EVC2: variants seen among roughly 807,000 people sequenced by gnomAD.
EVC2 encodes the protein EvC ciliary complex subunit 2.
A neutral mutation model predicts 149.3 loss-of-function variants in EVC2; 148 were observed. That is an observed-to-expected ratio of 0.99 (90% CI 0.87 to 1.14). The LOEUF (loss-of-function observed/expected upper bound fraction) is 1.14, where lower values mean the gene tolerates loss of function less well. EVC2 is among the 50% of genes most tolerant of loss of function. The pLI, the probability that EVC2 is intolerant of heterozygous loss-of-function variation, is 0.00. For synonymous variants in EVC2, 776 were observed against 649.9 expected (o/e 1.19, Z -2.95); for missense variants, 1,854 against 1,627.3 (o/e 1.14, Z -2.40).
At chr4:5,653,138 C>T (rs1341450942) in intron 9 of EVC2, among the ~76,000 whole-genome samples, 1 of 152,176 alleles carries the variant, frequency 6.6e-6, no homozygotes, top group Non-Finnish European at 1.5e-5. Context: ...AGATTTCCCT[C>T]TTCTTATGAA....
chr4:5,581,649 G>T (rs548277454), intron 17 of EVC2, among the ~76,000 whole-genome samples: 9 of 152,324 alleles, frequency 5.9e-5, no homozygotes, highest in African/African-American at 2.2e-4. Flanking sequence ...ACCTGAAACT[G>T]GACCTTATAT....
chr4:5,698,016 G>A lies in EVC2; in HGVS notation c.229-369C>T, dbSNP rs576739514. 5.3e-5 allele frequency among the ~76,000 whole-genome samples: 8 copies of A among 152,190 alleles called. No individual in the cohort carries two copies. The East Asian group carries it at 1.4e-3, about 26-fold the overall frequency. On this transcript the variant is annotated intron_variant, in intron 1 of 21. Coordinates refer to ENST00000344408, the MANE Select transcript of EVC2 (RefSeq NM_147127.5). ...TCCGCCTGCCTCAGCCTCCCAAAGC[G>A]CTGGGATTACACGTGTGAGCCACCG...
chr4:5,596,068 G>T (rs530710906), intron 16 of EVC2, among the ~76,000 whole-genome samples: 1 of 152,268 alleles, frequency 6.6e-6, no homozygotes, highest in Non-Finnish European at 1.5e-5. Flanking sequence ...GATTCATAAA[G>T]CAAGTCCTCA....
At chr4:5,694,622 G>C in intron 2 of EVC2, 121 bp from the exon 3 acceptor site, 1 of 1,069,832 alleles carries the variant, frequency 9.3e-7, no homozygotes, top group Non-Finnish European at 1.4e-6. Context: ...TGTTGGGTAA[G>C]TAAGTTAATG....
chr4:5,627,514 A>G lies in EVC2; in HGVS notation c.1886+1045T>C, dbSNP rs115379847. On this transcript the variant is annotated intron_variant, in intron 12 of 21. Transcript: ENST00000344408. The stretch of plus-strand genomic sequence containing the variant: ...CAGAGCAGGAGAGGGTCAAAGTCCC[A>G]ACAAGGTTACCTAGTAGCGGAACCA... Among the ~76,000 whole-genome samples the G allele has an allele frequency of 9.5e-3, 1,448 of 152,330 alleles. 8 individuals carry two copies. The highest frequency in any genetic ancestry group is 0.015 in the Non-Finnish European group (1,047 of 68,030).
rs2108842723 is a variant in EVC2 at position 5,625,445 on chromosome 4, T to C, written c.2046+304A>G. ...CAGTGCTAAGTAAGCAGCCAATAAA[T>C]GTTAGCACCTACCATCATCATTAGT... On this transcript the variant is annotated intron_variant, in intron 13 of 21. Coordinates refer to ENST00000344408, the MANE Select transcript of EVC2 (RefSeq NM_147127.5). The surrounding 1 kb of genome is among the most constrained non-coding windows in gnomAD (Gnocchi z 4.0). Among the ~76,000 whole-genome samples the C allele has an allele frequency of 6.6e-6, 1 of 152,258 alleles. No individual in the cohort carries two copies. The highest frequency in any genetic ancestry group is 3.4e-3 in the Middle Eastern group (1 of 294).
chr4:5,623,337 TA>T (rs759377477), intron 13 of EVC2, among the ~76,000 whole-genome samples: 1 of 150,672 alleles, frequency 6.6e-6, no homozygotes, highest in African/African-American at 2.5e-5. Context: ...TTTATTTATT[TA>T]TTTTTTTTAT....
rs541078428 is a variant in EVC2 at position 5,543,643 on chromosome 4, A to C, written c.3420-431T>G. Among the ~76,000 whole-genome samples the C allele has an allele frequency of 5.0e-4, 76 of 152,328 alleles. 1 individual carries two copies. Among genetic ancestry groups the C allele is most frequent in the Middle Eastern group, 3.4e-3 (1 of 294 alleles). On this transcript the variant is annotated intron_variant and NMD_transcript_variant, in intron 21 of 22. Transcript: ENST00000475313. ...AAAGGGGCTGATGGGAGTGTGTTCCAGAAGGAGTTCCACACCAAATCCCTC... is the reference window on the plus strand; with the variant it reads ...AAAGGGGCTGATGGGAGTGTGTTCCCGAAGGAGTTCCACACCAAATCCCTC...
At chr4:5,553,298 T>G (rs1288897685) in intron 21 of EVC2, among the ~76,000 whole-genome samples, 4 of 152,276 alleles carry the variant, frequency 2.6e-5, no homozygotes, top group African/African-American at 9.6e-5. Flanking sequence ...CACTCGCTAT[T>G]GTGAGGACAG....
chr4:5,651,330 G>C (rs1485913696), intron 9 of EVC2, among the ~76,000 whole-genome samples: 1 of 152,112 alleles, frequency 6.6e-6, no homozygotes, highest in Non-Finnish European at 1.5e-5. Context: ...TAGATGGGCA[G>C]ATAGGTGGAT....
At chr4:5,656,789 A>T (rs1043997720) in intron 9 of EVC2, among the ~76,000 whole-genome samples, 3 of 152,212 alleles carry the variant, frequency 2.0e-5, no homozygotes, top group Non-Finnish European at 4.4e-5. Context: ...CAGAACAGTG[A>T]CACGGTGAGT....
At chr4:5,611,903 C>T (rs552887511) in intron 16 of EVC2, among the ~76,000 whole-genome samples, 1 of 152,282 alleles carries the variant, frequency 6.6e-6, no homozygotes, top group South Asian at 2.1e-4. Flanking sequence ...TACAGATTAG[C>T]CTTCTTCCCA....
chr4:5,565,185 G>A, intron 21 of EVC2, 73 bp downstream of exon 21: 1 of 1,438,272 alleles, frequency 7.0e-7, no homozygotes, highest in South Asian at 1.1e-5. Flanking sequence ...GTCACCTCCT[G>A]CCTCCCCAGC....
chr4:5,628,743 T>A lies in EVC2; in HGVS notation c.1711-9A>T, dbSNP rs1716315517. 1 of 1,420,282 alleles carries A rather than the reference T, an allele frequency of 7.0e-7. No homozygotes were observed. Among genetic ancestry groups the A allele is most frequent in the Non-Finnish European group, 9.7e-7 (1 of 1,029,816 alleles). 88.0% of individuals were successfully genotyped at this position (1,420,282 alleles called of 1,614,324 possible). On this transcript the variant is annotated splice_polypyrimidine_tract_variant and intron_variant, in intron 11 of 21. Coordinates refer to ENST00000344408, the MANE Select transcript of EVC2 (RefSeq NM_147127.5). Reference sequence around the variant, plus strand: ...AACTCTTCTACATTCTCCTGTCAATTAAAAAAAAAAACAAGAAAATATGCC... The same window carrying A: ...AACTCTTCTACATTCTCCTGTCAATAAAAAAAAAAAACAAGAAAATATGCC...
At chr4:5,551,411 T>C (rs999467789) in intron 21 of EVC2, among the ~76,000 whole-genome samples, 1 of 152,210 alleles carries the variant, frequency 6.6e-6, no homozygotes, top group African/African-American at 2.4e-5. Flanking sequence ...CCTGCTGGAT[T>C]TTGGGCTTGC....
Position 5,625,889 on chromosome 4 carries a change from C to A in EVC2, c.1906G>T (p.Asp636Tyr). The part of the protein sequence containing the change: ...KHERAGYLDE[D>Y]QMEMLLERAQ... ...CGCTCCAATAGCATTTCCATTTGGT[C>A]TTCATCCAGGTACCCTGCTCTAGAT... The change falls in exon 13 of 22, where the codon GAC (aspartate) becomes TAC (tyrosine). Residue 636 changes from aspartate to tyrosine, a missense_variant. Coordinates refer to ENST00000344408, the MANE Select transcript of EVC2 (RefSeq NM_147127.5). This position sits in a 1 kb window ranked among gnomAD's most constrained non-coding sequence, Gnocchi z 4.0. 6.2e-7 allele frequency: 1 copy of A among 1,614,054 alleles called. No homozygotes were observed. The highest frequency in any genetic ancestry group is 8.5e-7 in the Non-Finnish European group (1 of 1,180,020).
At position 5,618,526 on chromosome 4, in the gene EVC2, T is replaced by C. The variant is rs2108833172; in HGVS notation, c.2658A>G (p.Glu886=). The change falls in exon 15 of 22, where the codon GAA becomes GAG. Residue 886 remains glutamate, a synonymous_variant. Coordinates refer to ENST00000344408, the MANE Select transcript of EVC2 (RefSeq NM_147127.5). The surrounding 1 kb of genome is among the most constrained non-coding windows in gnomAD (Gnocchi z 4.4). ...LLQQFQTAWR[E]AEFVKLDQAV... is the part of the protein sequence containing the mutation. ...CCTGGTCCAGCTTCACGAACTCTGC[T>C]TCTCGCCACGCAGTCTGAAATTGCT... 1 of 1,614,020 alleles carries C rather than the reference T, an allele frequency of 6.2e-7. No homozygotes were observed. The highest frequency in any genetic ancestry group is 1.1e-5 in the South Asian group (1 of 91,068).
At chr4:5,705,641 G>T (rs1252781453) in intron 1 of EVC2, among the ~76,000 whole-genome samples, 1 of 151,982 alleles carries the variant, frequency 6.6e-6, no homozygotes, top group East Asian at 1.9e-4. Flanking sequence ...CCTCATCTAT[G>T]TCTGAGTTAA....
intron 1 of EVC2, among the ~76,000 whole-genome samples, chr4:5,700,088 G>A (rs1275956074): frequency 6.6e-6 from 1 of 152,030 alleles, no homozygotes; most frequent in African/African-American, 2.4e-5. Flanking sequence ...TGCAGTGAGT[G>A]GAGATGGCGC....
Sources: gnomAD v4.1 joint callset for allele counts (sites outside exome capture counted in the v4.1 genomes callset) on GRCh38, gnomAD v4.1.1 for gene constraint, Gnocchi (gnomAD v3.1) non-coding constraint, MANE v1.5 for transcripts, NCBI Gene and HGNC (gene_info 2026-07-23, HGNC 2026-07-21) for gene names.